EIF2AK1: variants seen among roughly 807,000 people sequenced by gnomAD.
EIF2AK1 encodes the protein eukaryotic translation initiation factor 2-alpha kinase 1.
A neutral mutation model predicts 77.9 loss-of-function variants in EIF2AK1; 54 were observed. The ratio of observed to expected loss-of-function variants is 0.69; its 90% CI spans 0.56 to 0.87. The LOEUF (loss-of-function observed/expected upper bound fraction) is 0.87. Ranked by LOEUF, EIF2AK1 falls within the 40% of genes least tolerant of loss-of-function variation. The pLI is 0.00. For missense variants in EIF2AK1, 810 were observed against 768.6 expected, an observed-to-expected ratio of 1.05 and a Z score of -0.64; for synonymous variants, 314 against 290.5, an observed-to-expected ratio of 1.08 and a Z score of -0.82.
intron 11 of EIF2AK1, chr7:6,031,514 C>G: frequency 1.3e-6 from 2 of 1,550,678 alleles, no homozygotes; most frequent in Non-Finnish European, 1.7e-6. Context: ...GATCGAGGTA[C>G]TCCTGAGAAA....
chr7:6,056,061 G>A (rs1788749778), intron 1 of EIF2AK1, among the ~76,000 whole-genome samples: 1 of 150,230 alleles, frequency 6.7e-6, no homozygotes, highest in South Asian at 2.1e-4. Flanking sequence ...GAGAGGCCGA[G>A]GCAAGCAGAT....
chr7:6,049,874 A>AT (rs752559350), intron 3 of EIF2AK1, 38 bp downstream of exon 3: 5 of 1,559,102 alleles, frequency 3.2e-6, no homozygotes, highest in Non-Finnish European at 3.5e-6. Context: ...ATTAAAGTAT[A>AT]TTTTTGTCAT....
rs1787962248 is a variant in EIF2AK1 at position 6,033,007 on chromosome 7, T to C, written c.1333-3975A>G. On this transcript the variant is annotated intron_variant, in intron 11 of 14. Transcript: ENST00000199389. The surrounding 1 kb of genome is among the most constrained non-coding windows in gnomAD (Gnocchi z 4.4). ...TTTTGAGGCAGGGGTCTCGCTCTGT[T>C]GCCCAGGCTGGAGTGCAATGGCACA... The C allele has an allele frequency of 7.4e-7, 1 of 1,356,718 alleles. No individual in the cohort carries two copies. The allele number at this position is 1,356,718 out of a possible 1,614,324, so 84.0% of individuals were successfully genotyped here.
Position 6,023,603 on chromosome 7 carries a change from G to T in EIF2AK1, c.*1070C>A. On this transcript the variant is annotated 3_prime_UTR_variant, in exon 15 of 15. Transcript: ENST00000199389. ...GTACTCCAGCAGATCGGAGGCTGCAGTGTGACAGTGCCAGCCAATGTGCAG... is the reference window on the plus strand; with the variant it reads ...GTACTCCAGCAGATCGGAGGCTGCATTGTGACAGTGCCAGCCAATGTGCAG... 6.2e-7 allele frequency: 1 copy of T among 1,614,230 alleles called. No individual in the cohort carries two copies. The highest frequency in any genetic ancestry group is 1.3e-5 in the African/African-American group (1 of 75,056).
In EIF2AK1 at chr7:6,038,466, A is replaced by T. The variant is rs555586902; in HGVS notation, c.1231+94T>A. On this transcript the variant is annotated intron_variant, in intron 10 of 14. Coordinates refer to ENST00000199389, the MANE Select transcript of EIF2AK1 (RefSeq NM_014413.4). Reference sequence around the variant, plus strand: ...AAAAATAAAATAAATAAAAAATAAAAATGAAAAAAAGCACCTGGAGGCAAC... The same window carrying T: ...AAAAATAAAATAAATAAAAAATAAATATGAAAAAAAGCACCTGGAGGCAAC... 7.5e-6 allele frequency: 6 copies of T among 797,178 alleles called. No homozygotes were observed. The Admixed American group carries it at 8.0e-5, about 11-fold the overall frequency. 49.4% of individuals were successfully genotyped at this position (797,178 alleles called of 1,614,324 possible). A position where few individuals can be genotyped will look rare whatever the true frequency, so the allele number is the denominator to read the frequency against.
chr7:6,049,771 G>T, intron 3 of EIF2AK1, 141 bp downstream of exon 3: 1 of 773,082 alleles, frequency 1.3e-6, no homozygotes, highest in Non-Finnish European at 2.0e-6. Flanking sequence ...TAAGGCATGA[G>T]CCACACCACC....
rs1303941945 is a variant in EIF2AK1 at position 6,028,913 on chromosome 7, C to T, written c.1447+5G>A. Reference sequence around the variant, plus strand: ...AAAGAAAACAAAACAAAACCAAAAACTTACTCTTCCCGTTTCTGTTGGTCC... The same window carrying T: ...AAAGAAAACAAAACAAAACCAAAAATTTACTCTTCCCGTTTCTGTTGGTCC... On this transcript the variant is annotated splice_donor_5th_base_variant and intron_variant, in intron 12 of 14. Transcript: ENST00000199389. 2 of 1,595,280 alleles carry T rather than the reference C, an allele frequency of 1.3e-6. No individual in the cohort carries two copies. The highest frequency in any genetic ancestry group is 1.7e-6 in the Non-Finnish European group (2 of 1,174,914).
intron 3 of EIF2AK1, chr7:6,049,644 TCAGGCAGGTTCTCAC>T: frequency 5.2e-6 from 1 of 193,294 alleles, no homozygotes; most frequent in Non-Finnish European, 1.0e-5. Flanking sequence ...TTTTTTTTTT[TCAGGCAGGTTCTCAC>T]TCTGCTGCTC....
chr7:6,047,148 G>C (rs1788469830), intron 4 of EIF2AK1, 57 bp from the exon 5 acceptor site: 1 of 1,497,140 alleles, frequency 6.7e-7, no homozygotes, highest in Middle Eastern at 1.7e-4. Context: ...AAATGTTCTA[G>C]GATACCTCAT....
Position 6,036,570 on chromosome 7 carries a change from T to G in EIF2AK1, c.1332+854A>C, listed in dbSNP as rs1373620851. ...TCTATTAACATTTTTGTTCCTAGGTTTTTTTTTTTTTCATGCCCTTTCCAT... is the reference window on the plus strand; with the variant it reads ...TCTATTAACATTTTTGTTCCTAGGTGTTTTTTTTTTTCATGCCCTTTCCAT... On this transcript the variant is annotated intron_variant, in intron 11 of 14. Transcript: ENST00000199389. This position sits in a 1 kb window ranked among gnomAD's most constrained non-coding sequence, Gnocchi z 4.6. Among the ~76,000 whole-genome samples the G allele has an allele frequency of 7.7e-6, 1 of 129,100 alleles. No individual in the cohort carries two copies. Among genetic ancestry groups the G allele is most frequent in the Non-Finnish European group, 1.7e-5 (1 of 58,512 alleles). 84.7% of individuals were successfully genotyped at this position (129,100 alleles called of 152,430 possible).
chr7:6,056,002 A>AC (rs1354778208), intron 1 of EIF2AK1, among the ~76,000 whole-genome samples: 39 of 146,314 alleles, frequency 2.7e-4, no homozygotes, highest in Non-Finnish European at 3.3e-4. Context: ...AAAAAAAAAA[A>AC]AAAAAACTAG....
chr7:6,053,008 G>T (rs685415), intron 2 of EIF2AK1, among the ~76,000 whole-genome samples: 60,524 of 151,746 alleles, frequency 0.4, 12,405 homozygotes, highest in Middle Eastern at 0.53. Context: ...AGATGCAAAA[G>T]AACTATATTT....
In EIF2AK1 at chr7:6,023,910, C is replaced by G. The variant is rs1477033845; in HGVS notation, c.*763G>C. The G allele has an allele frequency of 6.7e-7, 1 of 1,491,900 alleles. No homozygotes were observed. The highest frequency in any genetic ancestry group is 2.0e-5 in the Admixed American group (1 of 49,428). The allele number at this position is 1,491,900 out of a possible 1,614,324, so 92.4% of individuals were successfully genotyped here. ...ATGACTGCCAACTCCATGGCAGACC[C>G]TTTCTGGGATTCAAAAACCAATTCA... On this transcript the variant is annotated 3_prime_UTR_variant, in exon 15 of 15. Transcript: ENST00000199389.
At chr7:6,054,424 G>A (rs1053545609) in intron 2 of EIF2AK1, 122 bp downstream of exon 2, 6 of 1,047,244 alleles carry the variant, frequency 5.7e-6, no homozygotes, top group African/African-American at 3.2e-5. Context: ...AACCGATCTC[G>A]ATCTCCGGAC....
chr7:6,037,636 T>C (rs958226488), intron 10 of EIF2AK1, 112 bp from the exon 11 acceptor site: 4 of 713,812 alleles, frequency 5.6e-6, no homozygotes, highest in African/African-American at 3.6e-5. Flanking sequence ...AAGAACAATC[T>C]AGATTTTCAA....
At chr7:6,053,272 G>C (rs1788658341) in intron 2 of EIF2AK1, among the ~76,000 whole-genome samples, 1 of 152,176 alleles carries the variant, frequency 6.6e-6, no homozygotes, top group Non-Finnish European at 1.5e-5. Flanking sequence ...GACATGTGAT[G>C]TGTAATAATC....
intron 1 of EIF2AK1, among the ~76,000 whole-genome samples, chr7:6,056,351 T>G (rs1788760677): frequency 6.9e-6 from 1 of 144,958 alleles, no homozygotes; most frequent in Admixed American, 7.0e-5. Flanking sequence ...TCCCAGCACT[T>G]TGGGAGGCCG....
chr7:6,041,273 T>G, intron 8 of EIF2AK1, 54 bp from the exon 9 acceptor site: 1 of 1,525,108 alleles, frequency 6.6e-7, no homozygotes, highest in Non-Finnish European at 8.8e-7. Context: ...GCACAGTGGC[T>G]CATGCCTGTA....
At chr7:6,051,621 G>C (rs1052875001) in intron 2 of EIF2AK1, among the ~76,000 whole-genome samples, 6 of 151,666 alleles carry the variant, frequency 4.0e-5, no homozygotes, top group Non-Finnish European at 8.8e-5. Flanking sequence ...GTAGAGATGG[G>C]GTTTCACCAT....
Sources: gnomAD v4.1 joint callset for allele counts (sites outside exome capture counted in the v4.1 genomes callset) on GRCh38, gnomAD v4.1.1 for gene constraint, Gnocchi (gnomAD v3.1) non-coding constraint, MANE v1.5 for transcripts, NCBI Gene and HGNC (gene_info 2026-07-23, HGNC 2026-07-21) for gene names.